EXTL1: variants seen among roughly 807,000 people sequenced by gnomAD.
The protein encoded by EXTL1 is exostosin-like 1.
A neutral mutation model predicts 64.6 loss-of-function variants in EXTL1; 43 were observed. That is an observed-to-expected ratio of 0.67 (90% CI 0.52 to 0.86). The LOEUF is 0.86. Among genes scored for constraint, EXTL1 ranks in the 40% least tolerant of loss-of-function variants. EXTL1 has a pLI of 0.00. For missense variants in EXTL1, 766 were observed against 879.0 expected, an observed-to-expected ratio of 0.87 and a Z score of 1.62; for synonymous variants, 352 against 360.5, an observed-to-expected ratio of 0.98 and a Z score of 0.27.
rs2124416271 is a variant in EXTL1 at position 26,036,078 on chromosome 1, C to T, written c.*731C>T. On this transcript the variant is annotated 3_prime_UTR_variant, in exon 11 of 11. Coordinates refer to ENST00000374280, the MANE Select transcript of EXTL1 (RefSeq NM_004455.3). This position sits in a 1 kb window ranked among gnomAD's most constrained non-coding sequence, Gnocchi z 5.2. ...GGGATGGGAACAAGTGGCCTGTCCC[C>T]GCACGGCCCGCGGCTCAGCCTCGGC... is the stretch of plus-strand genomic sequence containing the variant. The T allele has an allele frequency of 6.5e-6, 1 of 152,818 alleles. No individual in the cohort carries two copies. Among genetic ancestry groups the T allele is most frequent in the East Asian group, 1.9e-4 (1 of 5,174 alleles). The allele number at this position is 152,818 out of a possible 1,614,324, so 9.5% of individuals were successfully genotyped here.
At position 26,022,930 on chromosome 1, in the gene EXTL1, G is replaced by A. The variant is rs758821686; in HGVS notation, c.284G>A (p.Gly95Asp). The change falls in exon 1 of 11, where the codon GGC (glycine) becomes GAC (aspartate). Residue 95 changes from glycine (G) to aspartate (D), a missense_variant. Physicochemically the swap from Gly to Asp is moderately conservative, Grantham distance 94. Transcript: ENST00000374280. ...GATACCTCAAAGTGCAGGGGCGATG[G>A]CCTTAAGGTATTCGTGTACCCAGCG... ...CFDTSKCRGD[G>D]LKVFVYPAVG... The A allele has an allele frequency of 1.2e-6, 2 of 1,614,106 alleles. No homozygotes were observed. The highest frequency in any genetic ancestry group is 3.3e-5 in the Admixed American group (2 of 60,026).
chr1:26,031,236 G>T lies in EXTL1; in HGVS notation c.1206G>T (p.Gln402His). Residue 402 changes from glutamine to histidine, a missense_variant, in exon 5 of 11, where the codon CAG (glutamine) becomes CAT (histidine). Gln to His is a conservative substitution (Grantham distance 24). Transcript: ENST00000374280. ...TGTCTACTTTTTCCACAAGCCCCCA[G>T]GACTTCCCCTTCTACTACCTGCAAC... ...LALSTFSTSPQDFPFYYLQQG... is the reference protein window; with the variant it reads ...LALSTFSTSPHDFPFYYLQQG... The T allele has an allele frequency of 6.2e-7, 1 of 1,613,922 alleles. No individual in the cohort carries two copies. The highest frequency in any genetic ancestry group is 8.5e-7 in the Non-Finnish European group (1 of 1,179,946).
At chr1:26,029,480 C>T (rs2050256607) in intron 2 of EXTL1, 120 bp from the exon 3 acceptor site, 1 of 717,244 alleles carries the variant, frequency 1.4e-6, no homozygotes, top group Non-Finnish European at 2.4e-6. Context: ...TGAAAAATCC[C>T]ATGTTCCTGT....
At chr1:26,026,696 G>C (rs1429331797) in intron 1 of EXTL1, among the ~76,000 whole-genome samples, 1 of 152,172 alleles carries the variant, frequency 6.6e-6, no homozygotes, top group Non-Finnish European at 1.5e-5. Context: ...AAAGTGCCTA[G>C]TAGGGCACAT....
Position 26,022,720 on chromosome 1 carries a change from G to A in EXTL1, c.74G>A (p.Gly25Glu). The A allele has an allele frequency of 6.2e-7, 1 of 1,613,936 alleles. No homozygotes were observed. Among genetic ancestry groups the A allele is most frequent in the Middle Eastern group, 1.7e-4 (1 of 6,058 alleles). The change falls in exon 1 of 11, where the codon GGA (glycine) becomes GAA (glutamate). Residue 25 changes from glycine (G) to glutamate (E), a missense_variant. By Grantham distance (98) the Gly-to-Glu change is moderately conservative (BLOSUM62 -2). Coordinates refer to ENST00000374280, the MANE Select transcript of EXTL1 (RefSeq NM_004455.3). Reference protein sequence around the residue: ...SASWLLLVLLGGFSLLRLALP... With the variant: ...SASWLLLVLLEGFSLLRLALP... ...TCCTGGCTCCTGCTTGTCCTGCTGG[G>A]AGGCTTCTCCCTTCTCCGCCTGGCA...
rs371734652 is a variant in EXTL1, at chr1:26,030,459, C to T, written c.982-17C>T. On this transcript the variant is annotated splice_polypyrimidine_tract_variant and intron_variant, in intron 3 of 10. Transcript: ENST00000374280. ...AATTGCTCTATTACCTGGCACTTTT[C>T]TCCCTCTCTGCTCCAGGTCCTGGCT... 16 of 1,600,730 alleles carry T rather than the reference C, an allele frequency of 1.0e-5. No homozygotes were observed. In the African/African-American group the frequency reaches 1.9e-4, roughly 19 times the overall value.
In EXTL1 at chr1:26,035,566, C is replaced by A; in HGVS notation, c.*219C>A. On this transcript the variant is annotated 3_prime_UTR_variant, in exon 11 of 11. Coordinates refer to ENST00000374280, the MANE Select transcript of EXTL1 (RefSeq NM_004455.3). This position sits in a 1 kb window ranked among gnomAD's most constrained non-coding sequence, Gnocchi z 5.3. The stretch of plus-strand genomic sequence containing the variant: ...GAGCCTCTGCGGAGGCTGAGCCCCG[C>A]GACCGGAGCGCCGCTCTCCGCTTCT... The A allele has an allele frequency of 2.2e-6, 1 of 452,160 alleles. No homozygotes were observed. The allele number at this position is 452,160 out of a possible 1,614,324, so 28.0% of individuals were successfully genotyped here.
chr1:26,029,311 C>T (rs1315277211), intron 2 of EXTL1, 25 bp downstream of exon 2: 1 of 1,579,800 alleles, frequency 6.3e-7, no homozygotes, highest in African/African-American at 1.3e-5. Context: ...TGAGCATCAC[C>T]CATCCTCTGT....
rs1175734866 is a variant in EXTL1 at position 26,033,311 on chromosome 1, G to A, written c.1514G>A (p.Ser505Asn). 2 of 1,613,694 alleles carry A rather than the reference G, an allele frequency of 1.2e-6. No homozygotes were observed. The highest frequency in any genetic ancestry group is 1.1e-5 in the South Asian group (1 of 91,072). The change falls in exon 8 of 11, where the codon AGT becomes AAT. Residue 505 changes from serine (S) to asparagine (N), a missense_variant. By Grantham distance (46) the Ser-to-Asn change is conservative. Coordinates refer to ENST00000374280, the MANE Select transcript of EXTL1 (RefSeq NM_004455.3). The surrounding 1 kb of genome is among the most constrained non-coding windows in gnomAD (Gnocchi z 5.1). ...SLDARSSLST[S>N]EVDFAFLVWQ... ...GATGCCCGCAGCAGTCTTTCCACAA[G>A]TGAGGTGAGGGCTGGGCCCAAGAGA...
In EXTL1 at chr1:26,023,114, C is replaced by A; in HGVS notation, c.468C>A (p.Gly156=). ...CSSMPLQWNR[G]RNHLVLRLHP... ...CAATGCCTCTGCAATGGAACAGGGG[C>A]AGGAACCATCTGGTCCTCCGTCTCC... The change falls in exon 1 of 11, where the codon GGC becomes GGA. Residue 156 remains glycine (G), a synonymous_variant. Transcript: ENST00000374280. 1.2e-6 allele frequency: 2 copies of A among 1,613,890 alleles called. No individual in the cohort carries two copies. Among genetic ancestry groups the A allele is most frequent in the Non-Finnish European group, 8.5e-7 (1 of 1,179,930 alleles).
At position 26,034,842 on chromosome 1, in the gene EXTL1, C is replaced by T. The variant is rs1291756481; in HGVS notation, c.1686C>T (p.Tyr562=). 13 of 1,613,732 alleles carry T rather than the reference C, an allele frequency of 8.1e-6. No individual in the cohort carries two copies. Among genetic ancestry groups the T allele is most frequent in the Non-Finnish European group, 1.1e-5 (13 of 1,179,742 alleles). The part of the protein sequence containing the change: ...LTTAAFYHRY[Y]HTLFTHSLPK... Reference sequence around the variant, plus strand: ...GTCTTTTCCTCTTGCCCAGGTATTACCACACTCTCTTCACCCACTCCCTGC... The same window carrying T: ...GTCTTTTCCTCTTGCCCAGGTATTATCACACTCTCTTCACCCACTCCCTGC... The change falls in exon 10 of 11, where the codon TAC becomes TAT. Residue 562 remains tyrosine (Y), a synonymous_variant. Coordinates refer to ENST00000374280, the MANE Select transcript of EXTL1 (RefSeq NM_004455.3). This position sits in a 1 kb window ranked among gnomAD's most constrained non-coding sequence, Gnocchi z 4.6.
rs757071584 is a variant in EXTL1, at chr1:26,022,664, A to G, written c.18A>G (p.Arg6=). 4.7e-5 allele frequency: 75 copies of G among 1,602,298 alleles called. No homozygotes were observed. Among genetic ancestry groups the G allele is most frequent in the Non-Finnish European group, 6.4e-5 (75 of 1,173,700 alleles). The change falls in exon 1 of 11, where the codon AGA becomes AGG. Residue 6 remains arginine (R), a synonymous_variant. Coordinates refer to ENST00000374280, the MANE Select transcript of EXTL1 (RefSeq NM_004455.3). ...GTGGCCACATGCAGTCGTGGAGGAG[A>G]AGAAAGTCCCTGTGGCTGGCACTGT... is the stretch of plus-strand genomic sequence containing the variant. MQSWR[R]RKSLWLALSA...
chr1:26,033,235 G>T lies in EXTL1; in HGVS notation c.1438G>T (p.Asp480Tyr). ...TVIDGHRKVSDRFYPYSTIRT... is the reference protein window; with the variant it reads ...TVIDGHRKVSYRFYPYSTIRT... ...CCTCCCCCACTCCCTGCAGGTTAGT[G>T]ATCGCTTCTACCCATATAGCACCAT... The change falls in exon 8 of 11, where the codon GAT becomes TAT. Residue 480 changes from aspartate (D) to tyrosine (Y), a missense_variant. Coordinates refer to ENST00000374280, the MANE Select transcript of EXTL1 (RefSeq NM_004455.3). This position sits in a 1 kb window ranked among gnomAD's most constrained non-coding sequence, Gnocchi z 5.1. The T allele has an allele frequency of 6.2e-7, 1 of 1,613,002 alleles. No homozygotes were observed. Among genetic ancestry groups the T allele is most frequent in the South Asian group, 1.1e-5 (1 of 91,060 alleles).
chr1:26,027,929 A>C (rs529103994), intron 1 of EXTL1, among the ~76,000 whole-genome samples: 4 of 152,302 alleles, frequency 2.6e-5, no homozygotes, highest in Admixed American at 6.5e-5. Flanking sequence ...GGGATCTTAA[A>C]GGCACAGAGG....
Position 26,029,658 on chromosome 1 carries a change from T to C in EXTL1, c.932T>C (p.Ile311Thr). 6.2e-7 allele frequency: 1 copy of C among 1,612,540 alleles called. No homozygotes were observed. The highest frequency in any genetic ancestry group is 8.5e-7 in the Non-Finnish European group (1 of 1,179,804). ...TGGGAGCTGCCCTTCTCCGAGGTCA[T>C]CGACTGGACCAAGGCAGCCATCGTA... is the stretch of plus-strand genomic sequence containing the variant. ...PRWELPFSEV[I>T]DWTKAAIVAD... The change falls in exon 3 of 11, where the codon ATC becomes ACC. Residue 311 changes from isoleucine to threonine, a missense_variant. Physicochemically the swap from Ile to Thr is moderately conservative, Grantham distance 89. This residue lies in a region of EXTL1 where 571 missense variants were observed against 647.6 expected (regional missense o/e 0.88). Coordinates refer to ENST00000374280, the MANE Select transcript of EXTL1 (RefSeq NM_004455.3).
intron 4 of EXTL1, among the ~76,000 whole-genome samples, 183 bp from the exon 5 acceptor site, chr1:26,030,949 G>T (rs1441818169): frequency 6.6e-6 from 1 of 152,186 alleles, no homozygotes; most frequent in Non-Finnish European, 1.5e-5. Context: ...GGAAGGGGAA[G>T]CAGTGACCCT....
rs931336284 is a variant in EXTL1 at position 26,022,764 on chromosome 1, C to T, written c.118C>T (p.Pro40Ser). The change falls in exon 1 of 11, where the codon CCC (proline) becomes TCC (serine). Residue 40 changes from proline (P) to serine (S), a missense_variant. Coordinates refer to ENST00000374280, the MANE Select transcript of EXTL1 (RefSeq NM_004455.3). Reference sequence around the variant, plus strand: ...CCTGGCATTGCCTCCCAGACCTCGGCCCGGGGCTTCCCAAGGCTGGCCCCG... The same window carrying T: ...CCTGGCATTGCCTCCCAGACCTCGGTCCGGGGCTTCCCAAGGCTGGCCCCG... The part of the protein sequence containing the change: ...LRLALPPRPR[P>S]GASQGWPRWL... 1.2e-6 allele frequency: 2 copies of T among 1,614,092 alleles called. No individual in the cohort carries two copies. Among genetic ancestry groups the T allele is most frequent in the Non-Finnish European group, 8.5e-7 (1 of 1,179,986 alleles).
rs1258128963 is a variant in EXTL1, at chr1:26,032,479, C to T, written c.1425C>T (p.His475=). 1 of 1,551,126 alleles carries T rather than the reference C, an allele frequency of 6.4e-7. No homozygotes were observed. Among genetic ancestry groups the T allele is most frequent in the Admixed American group, 2.0e-5 (1 of 50,984 alleles). Residue 475 remains histidine (H), a synonymous_variant, in exon 7 of 11, where the codon CAC becomes CAT. Coordinates refer to ENST00000374280, the MANE Select transcript of EXTL1 (RefSeq NM_004455.3). ...TGCCCTTGACAGTCATTGATGGGCACAGGAAGGTAAGGGATGAGGAGAGCC... is the reference window on the plus strand; with the variant it reads ...TGCCCTTGACAGTCATTGATGGGCATAGGAAGGTAAGGGATGAGGAGAGCC... ...TAVPLTVIDG[H]RKVSDRFYPY... is the part of the protein sequence containing the mutation.
At chr1:26,031,032 G>T in intron 4 of EXTL1, 100 bp from the exon 5 acceptor site, 1 of 1,457,634 alleles carries the variant, frequency 6.9e-7, no homozygotes, top group Middle Eastern at 1.8e-4. Flanking sequence ...GACCCCAGGG[G>T]TCTGGTGATG....
Sources: allele counts gnomAD v4.1 joint callset (sites outside exome capture counted in the v4.1 genomes callset), GRCh38; gene constraint gnomAD v4.1.1; regional missense constraint gnomAD v4.1.1; non-coding constraint Gnocchi (gnomAD v3.1); transcripts MANE v1.5; gene names NCBI Gene and HGNC (gene_info 2026-07-23, HGNC 2026-07-21).